Variants in PARD3 observed in about 807,000 individuals in gnomAD.
PARD3 encodes the protein par-3 family cell polarity regulator, also known as partitioning defective 3 homolog.
In PARD3, 75 loss-of-function variants were observed where a neutral mutation model predicts 155.4. That is an observed-to-expected ratio of 0.48 (90% CI 0.40 to 0.58). The LOEUF is 0.58. Ranked by LOEUF, PARD3 falls within the 20% of genes least tolerant of loss-of-function variation. The probability of loss-of-function intolerance (pLI) is 0.00; values close to 1 mark genes in which losing one functional copy is unlikely to be tolerated. For synonymous variants in PARD3, 576 were observed against 610.5 expected (o/e 0.94, Z 0.83); for missense variants, 1,642 against 1,721.7 (o/e 0.95, Z 0.82).
chr10:34,551,023 T>C (rs1041605245), intron 2 of PARD3, among the ~76,000 whole-genome samples: 20 of 152,170 alleles, frequency 1.3e-4, no homozygotes, highest in Non-Finnish European at 2.2e-4. Context: ...CCAGCTCTCC[T>C]GAGTCCAGTT....
At position 34,601,394 on chromosome 10, in the gene PARD3, G is replaced by A. The variant is rs529195466; in HGVS notation, c.223-84235C>T. Among the ~76,000 whole-genome samples, 16 of 152,206 alleles carry A rather than the reference G, an allele frequency of 1.1e-4. No homozygotes were observed. The South Asian group carries it at 1.5e-3, about 14-fold the overall frequency. On this transcript the variant is annotated intron_variant, in intron 2 of 24. Coordinates refer to ENST00000374788, the MANE Select transcript of PARD3 (RefSeq NM_001184785.2). ...AGTTCAAGGCTGCAGTGAGCTATAA[G>A]TGCGCCACTGCACTCTACCTTGGAT... is the stretch of plus-strand genomic sequence containing the variant.
intron 15 of PARD3, 119 bp downstream of exon 15, chr10:34,347,843 TTAA>T (rs1837593188): frequency 1.5e-6 from 1 of 687,756 alleles, no homozygotes; most frequent in East Asian, 3.2e-5. Context: ...CTTGAAAACA[TTAA>T]TATTTTTATT....
At chr10:34,112,117 C>T (rs1946414430) in intron 24 of PARD3, among the ~76,000 whole-genome samples, 1 of 152,190 alleles carries the variant, frequency 6.6e-6, no homozygotes, top group Non-Finnish European at 1.5e-5. Context: ...AAAAATGCAA[C>T]AGGCAGTCCC....
chr10:34,168,256 A>G (rs1409102873), intron 22 of PARD3, among the ~76,000 whole-genome samples: 1 of 152,188 alleles, frequency 6.6e-6, no homozygotes, highest in African/African-American at 2.4e-5. Context: ...AGAAACAGTT[A>G]TTTAGTGGTA....
chr10:34,459,728 C>T (rs912571138), intron 4 of PARD3, among the ~76,000 whole-genome samples: 6 of 151,844 alleles, frequency 4.0e-5, no homozygotes, highest in African/African-American at 1.5e-4. Context: ...AATTTAAAAA[C>T]GAATGTATAT....
intron 2 of PARD3, among the ~76,000 whole-genome samples, chr10:34,519,862 T>TAACATAACA (rs2082026916): frequency 6.7e-6 from 1 of 150,308 alleles, no homozygotes. Flanking sequence ...TAACATAACA[T>TAACATAACA]AACATAACAT....
At chr10:34,618,499 G>A (rs1370425984) in intron 2 of PARD3, among the ~76,000 whole-genome samples, 1 of 152,074 alleles carries the variant, frequency 6.6e-6, no homozygotes, top group African/African-American at 2.4e-5. Context: ...AGGTAAAAAT[G>A]AGAAAGTGAC....
intron 22 of PARD3, among the ~76,000 whole-genome samples, chr10:34,220,491 AAAC>A (rs1952222551): frequency 6.6e-6 from 1 of 152,200 alleles, no homozygotes; most frequent in African/African-American, 2.4e-5. Flanking sequence ...TTTTGTGCTC[AAAC>A]AAGAGCTGTT....
At chr10:34,417,514 T>C (rs932119452) in intron 5 of PARD3, among the ~76,000 whole-genome samples, 6 of 152,200 alleles carry the variant, frequency 3.9e-5, no homozygotes, top group Non-Finnish European at 8.8e-5. Context: ...TTTGAATCAT[T>C]ATGATTAAGT....
At chr10:34,311,605 AAG>A (rs1957701695) in intron 20 of PARD3, among the ~76,000 whole-genome samples, 1 of 152,198 alleles carries the variant, frequency 6.6e-6, no homozygotes, top group Admixed American at 6.5e-5. Context: ...ACATTTATGA[AAG>A]AGTGTGTGCT....
At chr10:34,618,467 G>A (rs2091413921) in intron 2 of PARD3, among the ~76,000 whole-genome samples, 2 of 152,090 alleles carry the variant, frequency 1.3e-5, no homozygotes, top group African/African-American at 2.4e-5. Context: ...TTCCACAACA[G>A]TGGCAAAGTA....
chr10:34,558,228 G>A (rs1056437535), intron 2 of PARD3, among the ~76,000 whole-genome samples: 1 of 151,860 alleles, frequency 6.6e-6, no homozygotes, highest in Non-Finnish European at 1.5e-5. Context: ...ATCTACTACC[G>A]CTATTTCAGA....
chr10:34,140,634 G>A (rs1281217599), intron 22 of PARD3, among the ~76,000 whole-genome samples: 1 of 152,132 alleles, frequency 6.6e-6, no homozygotes, highest in Admixed American at 6.6e-5. Flanking sequence ...AGGGTGGGAG[G>A]GTTAAACCAA....
intron 3 of PARD3, among the ~76,000 whole-genome samples, chr10:34,473,595 T>G (rs1388598946): frequency 6.6e-6 from 1 of 151,928 alleles, no homozygotes. Context: ...GAGGCAGGAC[T>G]TGACTGCAGA....
At chr10:34,401,498 C>A (rs1364276001) in intron 6 of PARD3, among the ~76,000 whole-genome samples, 1 of 152,080 alleles carries the variant, frequency 6.6e-6, no homozygotes, top group Non-Finnish European at 1.5e-5. Flanking sequence ...AATATTGACA[C>A]ACAAAGCAAT....
chr10:34,780,629 G>C (rs1840127977), intron 1 of PARD3, among the ~76,000 whole-genome samples: 1 of 152,168 alleles, frequency 6.6e-6, no homozygotes, highest in Admixed American at 6.5e-5. Flanking sequence ...TAGAAATGTA[G>C]TCTTTGGTCT....
At chr10:34,689,851 A>G (rs1209287063) in intron 2 of PARD3, among the ~76,000 whole-genome samples, 1 of 152,208 alleles carries the variant, frequency 6.6e-6, no homozygotes, top group African/African-American at 2.4e-5. Flanking sequence ...ACAAGAGTGC[A>G]TGACTTTCAG....
chr10:34,763,754 C>G (rs1242105539), intron 1 of PARD3, among the ~76,000 whole-genome samples: 1 of 152,128 alleles, frequency 6.6e-6, no homozygotes, highest in Non-Finnish European at 1.5e-5. Flanking sequence ...GTACTGGAAC[C>G]CACATCTCCT....
At chr10:34,247,231 G>A (rs1954013447) in intron 22 of PARD3, among the ~76,000 whole-genome samples, 1 of 152,158 alleles carries the variant, frequency 6.6e-6, no homozygotes. Flanking sequence ...GATAGACATG[G>A]TGGTTCACAC....
Sources: gnomAD v4.1 joint callset for allele counts (sites outside exome capture counted in the v4.1 genomes callset) on GRCh38, gnomAD v4.1.1 for gene constraint, MANE v1.5 for transcripts, NCBI Gene and HGNC (gene_info 2026-07-23, HGNC 2026-07-21) for gene names.